Variants in ZNF160 observed in about 807,000 individuals in gnomAD.
ZNF160 encodes the protein KRAB zinc finger protein KR18.
Under a neutral mutation model 13.1 loss-of-function variants are expected in ZNF160, and 9 were observed. The observed-to-expected ratio is 0.69, with a 90% CI of 0.41 to 1.20. ZNF160 has a LOEUF of 1.20. ZNF160 is among the 50% of genes most tolerant of loss of function. The pLI, the probability that ZNF160 is intolerant of heterozygous loss-of-function variation, is 0.01. For missense variants in ZNF160, 838 were observed against 988.0 expected (o/e 0.85, Z 2.04); for synonymous variants, 293 against 333.2 (o/e 0.88, Z 1.31).
chr19:53,071,154 C>A (rs375302273), intron 5 of ZNF160, among the ~76,000 whole-genome samples: 33 of 152,202 alleles, frequency 2.2e-4, no homozygotes, highest in African/African-American at 7.9e-4. Context: ...CGAGATCGTG[C>A]CACTGCACTC....
intron 2 of ZNF160, 53 bp from the exon 3 acceptor site, chr19:53,086,374 G>T: frequency 6.9e-7 from 1 of 1,453,590 alleles, no homozygotes. Context: ...TCCAAAATAT[G>T]CTGCTTAGGG....
At chr19:53,074,347 A>G (rs1023899222) in intron 4 of ZNF160, 79 bp from the exon 5 acceptor site, 15 of 1,557,628 alleles carry the variant, frequency 9.6e-6, no homozygotes, top group Non-Finnish European at 1.2e-5. Flanking sequence ...AGAGGACATT[A>G]TATGTGGATC....
rs149312383 is a variant in ZNF160 at position 53,087,584 on chromosome 19, C to T, written c.-45-1263G>A. On this transcript the variant is annotated intron_variant, in intron 2 of 5. Transcript: ENST00000683776. Reference sequence around the variant, plus strand: ...AATTAATTTTTGAGAGAGTTTCACTCTTGTTGCCCAGGCTGGAGTGCAGTA... The same window carrying T: ...AATTAATTTTTGAGAGAGTTTCACTTTTGTTGCCCAGGCTGGAGTGCAGTA... Among the ~76,000 whole-genome samples, 395 of 152,206 alleles carry T rather than the reference C, an allele frequency of 2.6e-3. 1 individual carries two copies. Among genetic ancestry groups the T allele is most frequent in the African/African-American group, 9.0e-3 (372 of 41,528 alleles).
At chr19:53,092,196 CTTATT>C (rs1303836538) in intron 1 of ZNF160, among the ~76,000 whole-genome samples, 1 of 152,080 alleles carries the variant, frequency 6.6e-6, no homozygotes, top group Admixed American at 6.6e-5. Context: ...TTTCTAAGTA[CTTATT>C]TTAATCTGTT....
chr19:53,080,436 C>G (rs1412300889), intron 3 of ZNF160, among the ~76,000 whole-genome samples: 1 of 152,170 alleles, frequency 6.6e-6, no homozygotes, highest in Admixed American at 6.5e-5. Flanking sequence ...AATGTTCAAG[C>G]TGAGAAACAC....
chr19:53,078,901 A>C (rs1361201474), intron 3 of ZNF160, among the ~76,000 whole-genome samples: 2 of 152,222 alleles, frequency 1.3e-5, no homozygotes, highest in Non-Finnish European at 2.9e-5. Flanking sequence ...ACAATTCTCA[A>C]ACAATTCCAA....
At chr19:53,085,137 A>G in intron 3 of ZNF160, 1 of 984,530 alleles carries the variant, frequency 1.0e-6, no homozygotes, top group Non-Finnish European at 1.2e-6. Flanking sequence ...CATTCTTTAT[A>G]GAAGTGAGAA....
chr19:53,097,185 A>C (rs1261104628), intron 1 of ZNF160, among the ~76,000 whole-genome samples: 1 of 119,408 alleles, frequency 8.4e-6, no homozygotes, highest in Non-Finnish European at 1.7e-5. Context: ...GGCTGCAAGA[A>C]TGTGGCAGCT....
At chr19:53,074,416 C>G (rs1353233784) in intron 4 of ZNF160, 148 bp from the exon 5 acceptor site, 19 of 1,340,530 alleles carry the variant, frequency 1.4e-5, no homozygotes, top group Non-Finnish European at 1.9e-5. Context: ...GCCTGTAATC[C>G]CAGCATTTTG....
At chr19:53,100,348 C>T (rs146711384) in intron 1 of ZNF160, among the ~76,000 whole-genome samples, 14 of 152,296 alleles carry the variant, frequency 9.2e-5, no homozygotes, top group South Asian at 2.1e-4. Context: ...TGGTGGCTCA[C>T]GCCTGTAATC....
Position 53,067,867 on chromosome 19 carries a change from T to G in ZNF160, c.*210A>C. 1 of 572,778 alleles carries G rather than the reference T, an allele frequency of 1.7e-6. No homozygotes were observed. The highest frequency in any genetic ancestry group is 3.3e-5 in the South Asian group (1 of 29,886). The allele number at this position is 572,778 out of a possible 1,614,324, so 35.5% of individuals were successfully genotyped here. A position where few individuals can be genotyped will look rare whatever the true frequency, so the allele number is the denominator to read the frequency against. On this transcript the variant is annotated 3_prime_UTR_variant, in exon 6 of 6. Transcript: ENST00000683776. The stretch of plus-strand genomic sequence containing the variant: ...TACATTTGTTTCGTTTCATCAAAGA[T>G]ATAAATCTTGATGCCTAGTAACCTG...
chr19:53,068,868 G>A lies in ZNF160; in HGVS notation c.1666C>T (p.Arg556Trp), dbSNP rs750272774. The A allele has an allele frequency of 8.7e-6, 14 of 1,613,970 alleles. No homozygotes were observed. The highest frequency in any genetic ancestry group is 2.2e-5 in the East Asian group (1 of 44,846). ...GGTTTCTCTCCAGAATGAATTCCCC[G>A]ATGACTTCTAAGGTGTGATTTTTGA... ...FTQKSHLRSH[R>W]GIHSGEKPYK... is the part of the protein sequence containing the mutation. Residue 556 changes from arginine (R) to tryptophan (W), a missense_variant, in exon 6 of 6, where the codon CGG (arginine) becomes TGG (tryptophan). Physicochemically the swap from Arg to Trp is moderately radical, Grantham distance 101. Transcript: ENST00000683776.
intron 3 of ZNF160, 139 bp from the exon 4 acceptor site, chr19:53,075,322 A>T (rs2084345890): frequency 1.7e-6 from 2 of 1,145,758 alleles, no homozygotes; most frequent in Admixed American, 4.8e-5. Flanking sequence ...ACAATGTGAC[A>T]TACAGATTTG....
chr19:53,072,102 TTTC>T lies in ZNF160; in HGVS notation c.272-1843_272-1841del, dbSNP rs869293574. 3.2e-3 allele frequency among the ~76,000 whole-genome samples: 458 copies of T among 142,416 alleles called. 5 individuals are homozygous for T. The highest frequency in any genetic ancestry group is 0.01 in the African/African-American group (391 of 37,250). 93.4% of individuals were successfully genotyped at this position (142,416 alleles called of 152,430 possible). A position where few individuals can be genotyped will look rare whatever the true frequency, so the allele number is the denominator to read the frequency against. Reference sequence around the variant, plus strand: ...GGTACATGACAGTTATATTTCTTTCTTTCTTTTTTTTTTTTTTTAGACAGAGTC... The same window carrying T: ...GGTACATGACAGTTATATTTCTTTCTTTTTTTTTTTTTTTTAGACAGAGTC... On this transcript the variant is annotated intron_variant, in intron 5 of 5. Coordinates refer to ENST00000683776, the MANE Select transcript of ZNF160 (RefSeq NM_001322131.2).
At chr19:53,092,066 A>T (rs546728969) in intron 1 of ZNF160, among the ~76,000 whole-genome samples, 1 of 152,320 alleles carries the variant, frequency 6.6e-6, no homozygotes, top group African/African-American at 2.4e-5. Context: ...TAATATGCTT[A>T]TGTCAATAAT....
intron 3 of ZNF160, among the ~76,000 whole-genome samples, chr19:53,082,121 G>A (rs1462550349): frequency 2.0e-5 from 3 of 152,182 alleles, no homozygotes; most frequent in Non-Finnish European, 4.4e-5. Flanking sequence ...AAAGGAAGAG[G>A]AAGGAAGAGG....
intron 2 of ZNF160, among the ~76,000 whole-genome samples, chr19:53,086,878 C>T (rs571762279): frequency 6.6e-6 from 1 of 152,278 alleles, no homozygotes; most frequent in Admixed American, 6.5e-5. Context: ...GGGGGTGAGC[C>T]CAGCACAGCC....
chr19:53,079,965 G>C (rs1417887319), intron 3 of ZNF160, among the ~76,000 whole-genome samples: 1 of 152,008 alleles, frequency 6.6e-6, no homozygotes, highest in Non-Finnish European at 1.5e-5. Context: ...AAAGGAAAAG[G>C]AGGAAGTCAA....
chr19:53,093,039 C>G (rs968323815), intron 1 of ZNF160, among the ~76,000 whole-genome samples: 7 of 152,176 alleles, frequency 4.6e-5, no homozygotes, highest in African/African-American at 1.7e-4. Context: ...AGGGGTGAAT[C>G]TGATTATAGA....
Sources: gnomAD v4.1 joint callset for allele counts (sites outside exome capture counted in the v4.1 genomes callset) on GRCh38, gnomAD v4.1.1 for gene constraint, MANE v1.5 for transcripts, NCBI Gene and HGNC (gene_info 2026-07-23, HGNC 2026-07-21) for gene names.